GJB2: variants seen among roughly 807,000 people sequenced by gnomAD.
GJB2 encodes the protein gap junction beta-2 protein.
In GJB2, 30 loss-of-function variants were observed where a neutral mutation model predicts 16.0. The observed-to-expected ratio is 1.88, with a 90% confidence interval of 1.41 to 2.55. The LOEUF is 2.55. Among genes scored for constraint, GJB2 ranks in the 30% most tolerant of loss-of-function variants. GJB2 has a pLI of 0.00. For synonymous variants in GJB2, 123 were observed against 119.1 expected (o/e 1.03, Z -0.21); for missense variants, 284 against 289.7 (o/e 0.98, Z 0.14).
intron 1 of GJB2, among the ~76,000 whole-genome samples, chr13:20,190,949 C>T (rs763186486): frequency 6.6e-6 from 1 of 152,204 alleles, no homozygotes; most frequent in African/African-American, 2.4e-5. Flanking sequence ...CAGGCAGAAA[C>T]CATCCAGTGC....
rs375122728 is a variant in GJB2 at position 20,189,405 on chromosome 13, G to A, written c.177C>T (p.Gly59=). ...ADFVCNTLQP[G]CKNVCYDHYF... is the part of the protein sequence containing the mutation. ...AGTGATCGTAGCACACGTTCTTGCA[G>A]CCTGGCTGCAGGGTGTTGCAGACAA... Residue 59 remains glycine (G), a synonymous_variant, in exon 2 of 2, where the codon GGC becomes GGT. Coordinates refer to ENST00000382848, the MANE Select transcript of GJB2 (RefSeq NM_004004.6). 1.2e-4 allele frequency: 193 copies of A among 1,612,948 alleles called. No individual in the cohort carries two copies. Among genetic ancestry groups the A allele is most frequent in the Non-Finnish European group, 1.5e-4 (180 of 1,179,078 alleles).
chr13:20,188,888 A>G lies in GJB2; in HGVS notation c.*13T>C. The G allele has an allele frequency of 6.2e-7, 1 of 1,604,264 alleles. No individual in the cohort carries two copies. Among genetic ancestry groups the G allele is most frequent in the South Asian group, 1.1e-5 (1 of 90,874 alleles). On this transcript the variant is annotated 3_prime_UTR_variant, in exon 2 of 2. Transcript: ENST00000382848. ...ATGCTGTCTATTTCTTAATCTAACA[A>G]CTGGGCAATGCGTTAAACTGGCTTT...
rs151141189 is a variant in GJB2, at chr13:20,192,006, T to A, written c.-23+777A>T. 1.1e-4 allele frequency among the ~76,000 whole-genome samples: 16 copies of A among 152,298 alleles called. No individual in the cohort carries two copies. In the East Asian group the frequency reaches 2.7e-3, roughly 26 times the overall value. On this transcript the variant is annotated intron_variant, in intron 1 of 1. Coordinates refer to ENST00000382848, the MANE Select transcript of GJB2 (RefSeq NM_004004.6). ...CAGGTGCATGGCCACGGAACCCAGCTCTCAGCAGCTGTTAGTTAGGTGAGC... is the reference window on the plus strand; with the variant it reads ...CAGGTGCATGGCCACGGAACCCAGCACTCAGCAGCTGTTAGTTAGGTGAGC...
Position 20,189,324 on chromosome 13 carries a change from C to A in GJB2, c.258G>T (p.Thr86=), listed in dbSNP as rs139362103. Residue 86 remains threonine, a synonymous_variant, in exon 2 of 2, where the codon ACG becomes ACT. Coordinates refer to ENST00000382848, the MANE Select transcript of GJB2 (RefSeq NM_004004.6). ...LWALQLIFVS[T]PALLVAMHVA... is the part of the protein sequence containing the mutation. ...CGTGCATGGCCACTAGGAGCGCTGGCGTGGACACGAAGATCAGCTGCAGGG... is the reference window on the plus strand; with the variant it reads ...CGTGCATGGCCACTAGGAGCGCTGGAGTGGACACGAAGATCAGCTGCAGGG... 2 of 1,613,908 alleles carry A rather than the reference C, an allele frequency of 1.2e-6. No individual in the cohort carries two copies. Among genetic ancestry groups the A allele is most frequent in the African/African-American group, 2.7e-5 (2 of 74,898 alleles).
At chr13:20,189,845 C>T (rs1959066234) in intron 1 of GJB2, 4 of 547,596 alleles carry the variant, frequency 7.3e-6, no homozygotes, top group South Asian at 6.1e-5. Flanking sequence ...AGCTTGTTCA[C>T]CTGAGTAATT....
In GJB2 at chr13:20,189,205, A is replaced by G; in HGVS notation, c.377T>C (p.Val126Ala). Residue 126 changes from valine (V) to alanine (A), a missense_variant, in exon 2 of 2, where the codon GTC becomes GCC. By Grantham distance (64) the Val-to-Ala change is moderately conservative (BLOSUM62 0). Transcript: ENST00000382848. ...KDIEEIKTQK[V>A]RIEGSLWWTY... ...CCACCACAGGGAGCCTTCGATGCGG[A>G]CCTTCTGGGTTTTGATCTCCTCGAT... The G allele has an allele frequency of 1.2e-6, 2 of 1,613,772 alleles. No individual in the cohort carries two copies. Among genetic ancestry groups the G allele is most frequent in the East Asian group, 2.2e-5 (1 of 44,876 alleles).
rs1555341957 is a variant in GJB2, at chr13:20,189,346, A to C, written c.236T>G (p.Leu79Arg). 1 of 1,614,140 alleles carries C rather than the reference A, an allele frequency of 6.2e-7. No individual in the cohort carries two copies. Among genetic ancestry groups the C allele is most frequent in the Non-Finnish European group, 8.5e-7 (1 of 1,180,028 alleles). Residue 79 changes from leucine to arginine, a missense_variant, in exon 2 of 2, where the codon CTG becomes CGG. Leu to Arg is a moderately radical substitution (Grantham distance 102). Coordinates refer to ENST00000382848, the MANE Select transcript of GJB2 (RefSeq NM_004004.6). ...FPISHIRLWA[L>R]QLIFVSTPAL... The stretch of plus-strand genomic sequence containing the variant: ...TGGCGTGGACACGAAGATCAGCTGC[A>C]GGGCCCATAGCCGGATGTGGGAGAT...
In GJB2 at chr13:20,188,902, T is replaced by C. The variant is rs768407446; in HGVS notation, c.680A>G (p.Ter227=). 1.2e-6 allele frequency: 2 copies of C among 1,612,330 alleles called. No individual in the cohort carries two copies. Among genetic ancestry groups the C allele is most frequent in the South Asian group, 2.2e-5 (2 of 91,064 alleles). The change falls in exon 2 of 2, where the codon TAA becomes TGA. Residue 227 remains the stop codon, a stop_retained_variant. Transcript: ENST00000382848. ...TTAATCTAACAACTGGGCAATGCGT[T>C]AAACTGGCTTTTTTGACTTCCCAGA... The part of the protein sequence containing the change: ...YCSGKSKKPV[*]
At position 20,189,523 on chromosome 13, in the gene GJB2, A is replaced by G. The variant is rs1057517519; in HGVS notation, c.59T>C (p.Ile20Thr). 1.2e-6 allele frequency: 2 copies of G among 1,614,072 alleles called. No individual in the cohort carries two copies. The highest frequency in any genetic ancestry group is 1.7e-6 in the Non-Finnish European group (2 of 1,179,960). The change falls in exon 2 of 2, where the codon ATT becomes ACT. Residue 20 changes from isoleucine (I) to threonine (T), a missense_variant. Physicochemically the swap from Ile to Thr is moderately conservative, Grantham distance 89 (BLOSUM62 -1). Coordinates refer to ENST00000382848, the MANE Select transcript of GJB2 (RefSeq NM_004004.6). ...GAGGACGGTGAGCCAGATCTTTCCAATGCTGGTGGAGTGTTTGTTCACACC... is the reference window on the plus strand; with the variant it reads ...GAGGACGGTGAGCCAGATCTTTCCAGTGCTGGTGGAGTGTTTGTTCACACC... ...LGGVNKHSTS[I>T]GKIWLTVLFI...
In GJB2 at chr13:20,188,777, G is replaced by A; in HGVS notation, c.*124C>T. 1.3e-6 allele frequency: 1 copy of A among 778,386 alleles called. No homozygotes were observed. Among genetic ancestry groups the A allele is most frequent in the Non-Finnish European group, 2.2e-6 (1 of 450,610 alleles). The allele number at this position is 778,386 out of a possible 1,614,324, so 48.2% of individuals were successfully genotyped here. A position where few individuals can be genotyped will look rare whatever the true frequency, so the allele number is the denominator to read the frequency against. ...CCTGAGGCCTACAGGGGTTTCAAATGGTTGCATTTAAGGTCAGAATCTTTG... is the reference window on the plus strand; with the variant it reads ...CCTGAGGCCTACAGGGGTTTCAAATAGTTGCATTTAAGGTCAGAATCTTTG... On this transcript the variant is annotated 3_prime_UTR_variant, in exon 2 of 2. Coordinates refer to ENST00000382848, the MANE Select transcript of GJB2 (RefSeq NM_004004.6).
At chr13:20,191,260 T>C (rs1298753943) in intron 1 of GJB2, among the ~76,000 whole-genome samples, 1 of 152,062 alleles carries the variant, frequency 6.6e-6, no homozygotes, top group East Asian at 1.9e-4. Flanking sequence ...ACATTCTTCA[T>C]TGGCCCTCAC....
Position 20,189,591 on chromosome 13 carries a change from T to C in GJB2, c.-10A>G, listed in dbSNP as rs1021560633. 1 of 1,613,568 alleles carries C rather than the reference T, an allele frequency of 6.2e-7. No homozygotes were observed. Among genetic ancestry groups the C allele is most frequent in the Non-Finnish European group, 8.5e-7 (1 of 1,179,760 alleles). On this transcript the variant is annotated 5_prime_UTR_variant, in exon 2 of 2. Coordinates refer to ENST00000382848, the MANE Select transcript of GJB2 (RefSeq NM_004004.6). ...GCGTGCCCCAATCCATCTTCTACTC[T>C]GGGCGGTTTGCTCTGGAAAAGACGA...
rs138547875 is a variant in GJB2 at position 20,189,474 on chromosome 13, G to C, written c.108C>G (p.Leu36=). ...TVLFIFRIMI[L]VVAAKEVWGD... ...CCCACACCTCCTTTGCAGCCACAAC[G>C]AGGATCATAATGCGAAAAATGAAGA... Residue 36 remains leucine, a synonymous_variant, in exon 2 of 2, where the codon CTC becomes CTG. Coordinates refer to ENST00000382848, the MANE Select transcript of GJB2 (RefSeq NM_004004.6). The C allele has an allele frequency of 2.9e-5, 47 of 1,613,656 alleles. No individual in the cohort carries two copies. Among genetic ancestry groups the C allele is most frequent in the Non-Finnish European group, 3.9e-5 (46 of 1,179,686 alleles).
In GJB2 at chr13:20,189,542, T is replaced by C. The variant is rs1476034902; in HGVS notation, c.40A>G (p.Asn14Asp). 5.0e-6 allele frequency: 8 copies of C among 1,613,948 alleles called. No individual in the cohort carries two copies. The highest frequency in any genetic ancestry group is 6.8e-6 in the Non-Finnish European group (8 of 1,179,946). The part of the protein sequence containing the change: ...GTLQTILGGV[N>D]KHSTSIGKIW... ...TTTCCAATGCTGGTGGAGTGTTTGT[T>C]CACACCCCCCAGGATCGTCTGCAGC... The change falls in exon 2 of 2, where the codon AAC becomes GAC. Residue 14 changes from asparagine to aspartate, a missense_variant. Transcript: ENST00000382848.
rs1314606858 is a variant in GJB2 at position 20,189,850 on chromosome 13, G to T, written c.-22-247C>A. On this transcript the variant is annotated intron_variant, in intron 1 of 1. Coordinates refer to ENST00000382848, the MANE Select transcript of GJB2 (RefSeq NM_004004.6). ...GATAAAAAGTAGCTTGTTCACCTGAGTAATTCACCCAATCTTTAAACACAT... is the reference window on the plus strand; with the variant it reads ...GATAAAAAGTAGCTTGTTCACCTGATTAATTCACCCAATCTTTAAACACAT... 11 of 538,362 alleles carry T rather than the reference G, an allele frequency of 2.0e-5. No individual in the cohort carries two copies. The Admixed American group carries it at 3.1e-4, about 15-fold the overall frequency. The allele number at this position is 538,362 out of a possible 1,614,324, so 33.3% of individuals were successfully genotyped here.
rs201848820 is a variant in GJB2 at position 20,189,504 on chromosome 13, G to A, written c.78C>T (p.Thr26=). ...HSTSIGKIWL[T]VLFIFRIMIL... ...TCATAATGCGAAAAATGAAGAGGAC[G>A]GTGAGCCAGATCTTTCCAATGCTGG... Residue 26 remains threonine, a synonymous_variant, in exon 2 of 2, where the codon ACC becomes ACT. Transcript: ENST00000382848. 118 of 1,613,990 alleles carry A rather than the reference G, an allele frequency of 7.3e-5. No individual in the cohort carries two copies. The highest frequency in any genetic ancestry group is 3.7e-4 in the Admixed American group (22 of 60,004).
intron 1 of GJB2, among the ~76,000 whole-genome samples, chr13:20,191,893 A>C (rs1180037107): frequency 6.6e-6 from 1 of 152,244 alleles, no homozygotes; most frequent in African/African-American, 2.4e-5. Context: ...CCAGTGTCTG[A>C]AATTGTGACC....
rs1566527980 is a variant in GJB2, at chr13:20,188,649, G to A, written c.*252C>T. ...TAACCCCTAACAGCCTGGGGTCTCAGTGGAACTAACTTAAGTGAAAGAAAA... is the reference window on the plus strand; with the variant it reads ...TAACCCCTAACAGCCTGGGGTCTCAATGGAACTAACTTAAGTGAAAGAAAA... On this transcript the variant is annotated 3_prime_UTR_variant, in exon 2 of 2. Transcript: ENST00000382848. The A allele has an allele frequency of 1.8e-6, 1 of 552,690 alleles. No individual in the cohort carries two copies. The highest frequency in any genetic ancestry group is 3.1e-5 in the East Asian group (1 of 32,582). 34.2% of individuals were successfully genotyped at this position (552,690 alleles called of 1,614,324 possible).
intron 1 of GJB2, among the ~76,000 whole-genome samples, chr13:20,190,487 G>C (rs1959070173): frequency 1.3e-5 from 2 of 152,222 alleles, no homozygotes; most frequent in South Asian, 4.1e-4. Flanking sequence ...TTTCTTAAAA[G>C]ACACATTATT....
Sources: gnomAD v4.1 joint callset for allele counts (sites outside exome capture counted in the v4.1 genomes callset) on GRCh38, gnomAD v4.1.1 for gene constraint, MANE v1.5 for transcripts, NCBI Gene and HGNC (gene_info 2026-07-23, HGNC 2026-07-21) for gene names.